The following GABBR2 variants were observed in gnomAD, a reference collection of about 807,000 sequenced individuals.
The protein encoded by GABBR2 is G-protein coupled receptor 51.
In GABBR2, 23 loss-of-function variants were observed where a neutral mutation model predicts 105.6. The ratio of observed to expected loss-of-function variants is 0.22; its 90% confidence interval spans 0.16 to 0.31. The LOEUF (loss-of-function observed/expected upper bound fraction) is 0.31, where lower values mean the gene tolerates loss of function less well. GABBR2 is among the 10% of genes least tolerant of loss of function. The pLI is 1.00. For synonymous variants in GABBR2, 478 were observed against 499.7 expected, an observed-to-expected ratio of 0.96 and a Z score of 0.58; for missense variants, 734 against 1,245.5, an observed-to-expected ratio of 0.59 and a Z score of 6.18.
At chr9:98,311,595 C>T (rs1435263) in intron 13 of GABBR2, among the ~76,000 whole-genome samples, 11,475 of 152,284 alleles carry the variant, frequency 0.075, 1,507 homozygotes, top group African/African-American at 0.26. Flanking sequence ...CTTCAGGTAT[C>T]TCTGGGGTTA....
intron 1 of GABBR2, among the ~76,000 whole-genome samples, chr9:98,611,084 A>G (rs1829499398): frequency 6.6e-6 from 1 of 152,064 alleles, no homozygotes; most frequent in Non-Finnish European, 1.5e-5. Context: ...CTGTCCAGGG[A>G]GGTCATTCCT....
At chr9:98,313,497 GAAC>G (rs1411819013) in intron 13 of GABBR2, among the ~76,000 whole-genome samples, 1 of 152,014 alleles carries the variant, frequency 6.6e-6, no homozygotes, top group Non-Finnish European at 1.5e-5. Flanking sequence ...CCCTGCCTTC[GAAC>G]AACATCAAAA....
At chr9:98,305,989 T>C (rs1830544560) in intron 15 of GABBR2, 132 bp downstream of exon 15, 1 of 664,180 alleles carries the variant, frequency 1.5e-6, no homozygotes, top group Admixed American at 2.9e-5. Context: ...CTGAATTTTC[T>C]ATAATGTGAA....
intron 1 of GABBR2, among the ~76,000 whole-genome samples, chr9:98,706,520 A>C (rs544705208): frequency 6.6e-6 from 1 of 152,256 alleles, no homozygotes; most frequent in East Asian, 1.9e-4. Context: ...CATCCTCTTG[A>C]CTTTGGGTCC....
chr9:98,299,424 AG>A (rs1830433805), intron 16 of GABBR2, 71 bp from the exon 17 acceptor site: 7 of 1,578,682 alleles, frequency 4.4e-6, no homozygotes. Context: ...TAGGGCCAAA[AG>A]GTAGCTCACA....
rs1359102295 is a variant in GABBR2 at position 98,451,167 on chromosome 9, GAGGGATCTC to G, written c.1236+2805_1236+2813del. 2.6e-5 allele frequency among the ~76,000 whole-genome samples: 4 copies of G among 152,278 alleles called. No individual in the cohort carries two copies. The East Asian group carries it at 7.7e-4, about 29-fold the overall frequency. Reference sequence around the variant, plus strand: ...GGTGTTCTGTCCAGCATTTCTGAGGGAGGGATCTCAGGGGCTGCAGGGGTGGGGAGAGGG... The same window carrying G: ...GGTGTTCTGTCCAGCATTTCTGAGGGAGGGGCTGCAGGGGTGGGGAGAGGG... On this transcript the variant is annotated intron_variant, in intron 7 of 18. Transcript: ENST00000259455.
chr9:98,525,223 C>G (rs527911420), intron 3 of GABBR2, among the ~76,000 whole-genome samples: 1 of 151,918 alleles, frequency 6.6e-6, no homozygotes, highest in Non-Finnish European at 1.5e-5. Context: ...TAAAAAGAAC[C>G]CTTAGAATGG....
intron 14 of GABBR2, among the ~76,000 whole-genome samples, chr9:98,309,204 C>A (rs879655548): frequency 6.6e-6 from 1 of 152,216 alleles, no homozygotes; most frequent in Non-Finnish European, 1.5e-5. Flanking sequence ...CATGAGCTGG[C>A]TGAAGCTGTT....
chr9:98,375,842 C>T (rs1434597897), intron 11 of GABBR2, among the ~76,000 whole-genome samples: 1 of 152,170 alleles, frequency 6.6e-6, no homozygotes. Context: ...TTCTATGTGG[C>T]TCTATGATGC....
At chr9:98,317,089 G>A (rs755187023) in intron 13 of GABBR2, among the ~76,000 whole-genome samples, 3 of 152,242 alleles carry the variant, frequency 2.0e-5, no homozygotes, top group Non-Finnish European at 4.4e-5. Context: ...ATATTCAACA[G>A]TGGCTTCCCC....
chr9:98,556,149 G>A (rs977342005), intron 2 of GABBR2, among the ~76,000 whole-genome samples: 1 of 152,160 alleles, frequency 6.6e-6, no homozygotes, highest in Non-Finnish European at 1.5e-5. Flanking sequence ...CAGGGTTTGC[G>A]CCCCATCCCC....
chr9:98,527,770 A>G (rs1179574317), intron 3 of GABBR2, among the ~76,000 whole-genome samples: 1 of 152,200 alleles, frequency 6.6e-6, no homozygotes, highest in African/African-American at 2.4e-5. Flanking sequence ...CTACAAATTA[A>G]TTAAAGTAAC....
At chr9:98,332,353 G>A (rs1652190561) in intron 13 of GABBR2, among the ~76,000 whole-genome samples, 1 of 152,190 alleles carries the variant, frequency 6.6e-6, no homozygotes, top group South Asian at 2.1e-4. Context: ...AAATTCTGGG[G>A]CAGGGAGTGG....
chr9:98,656,381 G>A (rs1281757472), intron 1 of GABBR2, among the ~76,000 whole-genome samples: 1 of 152,070 alleles, frequency 6.6e-6, no homozygotes, highest in Non-Finnish European at 1.5e-5. Flanking sequence ...ACATCTGACA[G>A]GCCTCACATC....
Position 98,708,739 on chromosome 9 carries a change from C to A in GABBR2, c.-2G>T, listed in dbSNP as rs909444098. ...CCCGGAGCTCCGCGGGGAAGCCATG[C>A]CGCGCCGCGGGCTGCGGGCGCCGGC... On this transcript the variant is annotated 5_prime_UTR_variant, in exon 1 of 19. Transcript: ENST00000259455. 2.0e-6 allele frequency: 2 copies of A among 982,258 alleles called. No homozygotes were observed. Among genetic ancestry groups the A allele is most frequent in the Non-Finnish European group, 2.4e-6 (2 of 829,482 alleles). 60.8% of individuals were successfully genotyped at this position (982,258 alleles called of 1,614,324 possible).
chr9:98,330,897 C>G (rs1831013681), intron 13 of GABBR2, among the ~76,000 whole-genome samples: 1 of 152,110 alleles, frequency 6.6e-6, no homozygotes, highest in Non-Finnish European at 1.5e-5. Context: ...CATTAGCAAT[C>G]ACTCTCCATC....
At chr9:98,615,917 G>A (rs750608509) in intron 1 of GABBR2, among the ~76,000 whole-genome samples, 1 of 152,230 alleles carries the variant, frequency 6.6e-6, no homozygotes. Flanking sequence ...GTGAGCTTGT[G>A]CAAGTTTGCA....
intron 1 of GABBR2, among the ~76,000 whole-genome samples, chr9:98,670,386 T>C (rs1336457132): frequency 1.3e-5 from 2 of 152,156 alleles, no homozygotes; most frequent in African/African-American, 4.8e-5. Flanking sequence ...TTGGGCACTG[T>C]TGGTGGGAAT....
intron 7 of GABBR2, among the ~76,000 whole-genome samples, chr9:98,407,755 C>T (rs1832516306): frequency 6.6e-6 from 1 of 152,130 alleles, no homozygotes; most frequent in African/African-American, 2.4e-5. Context: ...AGTGAAATTA[C>T]AAAGTGTGTG....
Sources: allele counts gnomAD v4.1 joint callset (sites outside exome capture counted in the v4.1 genomes callset), GRCh38; gene constraint gnomAD v4.1.1; transcripts MANE v1.5; gene names NCBI Gene and HGNC (gene_info 2026-07-23, HGNC 2026-07-21).